Variants in ASTN2 observed in about 807,000 individuals in gnomAD.
The protein encoded by ASTN2 is astrotactin 2.
In ASTN2, 54 loss-of-function variants were observed where a neutral mutation model predicts 139.8. The observed-to-expected ratio is 0.39, with a 90% CI of 0.31 to 0.48. The LOEUF (loss-of-function observed/expected upper bound fraction) is 0.48, where lower values mean the gene tolerates loss of function less well. ASTN2 is among the 20% of genes least tolerant of loss of function. ASTN2 has a pLI of 0.95. For missense variants in ASTN2, 1,565 were observed against 1,725.1 expected (o/e 0.91, Z 1.64); for synonymous variants, 756 against 719.5 (o/e 1.05, Z -0.81).
intron 13 of ASTN2, among the ~76,000 whole-genome samples, chr9:116,802,182 G>A (rs930766640): frequency 3.3e-5 from 5 of 150,350 alleles, no homozygotes; most frequent in Non-Finnish European, 5.9e-5. Context: ...CGCCTCCCGG[G>A]TTTACGCCCT....
intron 2 of ASTN2, among the ~76,000 whole-genome samples, chr9:117,289,597 G>A (rs766560006): frequency 1.3e-5 from 2 of 152,140 alleles, no homozygotes; most frequent in Non-Finnish European, 2.9e-5. Context: ...ATGAACATTG[G>A]TCAAAATTGA....
At chr9:117,340,375 G>A (rs976237139) in intron 1 of ASTN2, among the ~76,000 whole-genome samples, 76 of 149,824 alleles carry the variant, frequency 5.1e-4, no homozygotes, top group Non-Finnish European at 9.5e-4. Context: ...TCATGGAGAG[G>A]AGGAGGGGTA....
chr9:116,639,963 T>C (rs1275432112), intron 17 of ASTN2, among the ~76,000 whole-genome samples: 1 of 152,206 alleles, frequency 6.6e-6, no homozygotes, highest in Non-Finnish European at 1.5e-5. Context: ...GAATTTCTAC[T>C]ATGCATCAGG....
At chr9:116,622,683 G>A (rs993109511) in intron 17 of ASTN2, among the ~76,000 whole-genome samples, 3 of 152,188 alleles carry the variant, frequency 2.0e-5, no homozygotes, top group Admixed American at 1.3e-4. Flanking sequence ...CCCAAGTAGG[G>A]TTGCCAGATT....
intron 10 of ASTN2, among the ~76,000 whole-genome samples, chr9:116,866,747 A>T (rs754839567): frequency 1.3e-5 from 2 of 152,034 alleles, no homozygotes; most frequent in East Asian, 3.9e-4. Context: ...ACAATATAGT[A>T]GCCAGGTGTG....
chr9:117,206,066 C>CA (rs1378483357), intron 3 of ASTN2, among the ~76,000 whole-genome samples: 1 of 152,144 alleles, frequency 6.6e-6, no homozygotes, highest in Non-Finnish European at 1.5e-5. Flanking sequence ...CAGCAAGATG[C>CA]ATGATAAGAG....
At chr9:116,523,482 T>C (rs1245091182) in intron 19 of ASTN2, among the ~76,000 whole-genome samples, 1 of 152,144 alleles carries the variant, frequency 6.6e-6, no homozygotes, top group African/African-American at 2.4e-5. Flanking sequence ...ATGGTGATCT[T>C]GAATAGGTTA....
At chr9:117,046,007 T>A (rs372157256) in intron 5 of ASTN2, among the ~76,000 whole-genome samples, 1 of 122,372 alleles carries the variant, frequency 8.2e-6, no homozygotes, top group East Asian at 2.3e-4. Context: ...TATGTATGTA[T>A]GTATGTATGT....
At chr9:116,910,725 A>C (rs1009691315) in intron 10 of ASTN2, among the ~76,000 whole-genome samples, 1 of 152,222 alleles carries the variant, frequency 6.6e-6, no homozygotes, top group Non-Finnish European at 1.5e-5. Context: ...GGATGCCAGT[A>C]GTTAATAGAC....
At chr9:116,806,459 A>G (rs1468956498) in intron 12 of ASTN2, among the ~76,000 whole-genome samples, 1 of 152,232 alleles carries the variant, frequency 6.6e-6, no homozygotes, top group Non-Finnish European at 1.5e-5. Context: ...TCAGAGAGGC[A>G]TGGGCTGGAG....
intron 2 of ASTN2, among the ~76,000 whole-genome samples, chr9:117,216,327 T>C (rs1832318189): frequency 6.6e-6 from 1 of 152,216 alleles, no homozygotes; most frequent in Non-Finnish European, 1.5e-5. Flanking sequence ...GTAGGGGGAC[T>C]GGGTGGATAA....
At chr9:116,745,764 A>G (rs181364404) in intron 13 of ASTN2, among the ~76,000 whole-genome samples, 2 of 152,288 alleles carry the variant, frequency 1.3e-5, no homozygotes, top group East Asian at 3.9e-4. Context: ...TTCATTTACT[A>G]TCTTGCAGCC....
chr9:116,838,101 G>GTTT (rs752512675), intron 11 of ASTN2, among the ~76,000 whole-genome samples: 1,506 of 133,880 alleles, frequency 0.011, 87 homozygotes, highest in East Asian at 0.023. Context: ...GCCTGGCTGT[G>GTTT]TTTTTTTTTG....
intron 19 of ASTN2, among the ~76,000 whole-genome samples, chr9:116,496,827 G>C (rs1391640706): frequency 2.0e-5 from 3 of 152,180 alleles, no homozygotes; most frequent in African/African-American, 7.2e-5. Context: ...TTGTGCAGGG[G>C]AACTGTCCTT....
In ASTN2 at chr9:116,472,953, G is replaced by C. The variant is rs75464555; in HGVS notation, c.3497+14406C>G. On this transcript the variant is annotated intron_variant, in intron 20 of 22. Coordinates refer to ENST00000313400, the MANE Select transcript of ASTN2 (RefSeq NM_001365068.1). ...GAAAAAAAAAAAAAAAAAGAATCAT[G>C]GTTCTGCCATTTACTAATAAGATGA... Among the ~76,000 whole-genome samples the C allele has an allele frequency of 0.014, 2,123 of 148,910 alleles. 216 individuals are homozygous for C. In the South Asian group the frequency reaches 0.21, roughly 15 times the overall value.
At chr9:116,656,263 A>G (rs1173797664) in intron 16 of ASTN2, among the ~76,000 whole-genome samples, 1 of 152,204 alleles carries the variant, frequency 6.6e-6, no homozygotes, top group Non-Finnish European at 1.5e-5. Flanking sequence ...TGAACCTAAG[A>G]GCCAGAATTG....
chr9:116,487,125 T>C (rs886402868), intron 20 of ASTN2, among the ~76,000 whole-genome samples: 1 of 152,186 alleles, frequency 6.6e-6, no homozygotes, highest in South Asian at 2.1e-4. Context: ...GTAGAAGGAA[T>C]GGTTTTAAAT....
At chr9:116,808,277 TTGTGTGTGTGTGTG>T (rs10553571) in intron 12 of ASTN2, among the ~76,000 whole-genome samples, 16 of 149,584 alleles carry the variant, frequency 1.1e-4, no homozygotes, top group Non-Finnish European at 2.2e-4. Context: ...TAAATACATA[TTGTGTGTGTGTGTG>T]TGTGTGTGTG....
chr9:116,906,290 A>G (rs947014414), intron 10 of ASTN2, among the ~76,000 whole-genome samples: 2 of 152,224 alleles, frequency 1.3e-5, no homozygotes, highest in African/African-American at 4.8e-5. Flanking sequence ...TGGCCCAGAA[A>G]GGAACCAGAG....
Sources: gnomAD v4.1 joint callset for allele counts (sites outside exome capture counted in the v4.1 genomes callset) on GRCh38, gnomAD v4.1.1 for gene constraint, MANE v1.5 for transcripts, NCBI Gene and HGNC (gene_info 2026-07-23, HGNC 2026-07-21) for gene names.